KANSL1L: variants seen among roughly 807,000 people sequenced by gnomAD.
KANSL1L encodes the protein KAT8 regulatory NSL complex subunit 1 like, also known as KAT8 regulatory NSL complex subunit 1-like protein.
A neutral mutation model predicts 108.6 loss-of-function variants in KANSL1L; 25 were observed. That is an observed-to-expected ratio of 0.23 (90% CI 0.17 to 0.32). The LOEUF is 0.32. Among genes scored for constraint, KANSL1L ranks in the 10% least tolerant of loss-of-function variants. KANSL1L has a pLI of 1.00. For synonymous variants in KANSL1L, 405 were observed against 395.1 expected, an observed-to-expected ratio of 1.03 and a Z score of -0.30; for missense variants, 1,137 against 1,125.7, an observed-to-expected ratio of 1.01 and a Z score of -0.14.
At chr2:210,072,678 C>T (rs898526957) in intron 6 of KANSL1L, among the ~76,000 whole-genome samples, 1 of 133,170 alleles carries the variant, frequency 7.5e-6, no homozygotes, top group Non-Finnish European at 1.6e-5. Context: ...CGCCACTGAT[C>T]TGACAGGAGG....
intron 8 of KANSL1L, among the ~76,000 whole-genome samples, chr2:210,036,994 G>A (rs548541143): frequency 6.6e-6 from 1 of 151,988 alleles, no homozygotes; most frequent in African/African-American, 2.4e-5. Context: ...GGGCTCAAGC[G>A]ATCCTCCTGC....
chr2:210,123,923 C>CA (rs1483928642), intron 3 of KANSL1L, among the ~76,000 whole-genome samples: 2 of 151,830 alleles, frequency 1.3e-5, no homozygotes, highest in African/African-American at 2.4e-5. Context: ...TTTCTTCTTT[C>CA]AAAAAACTCA....
At chr2:210,079,056 T>C (rs1237856399) in intron 5 of KANSL1L, among the ~76,000 whole-genome samples, 2 of 152,148 alleles carry the variant, frequency 1.3e-5, no homozygotes, top group African/African-American at 4.8e-5. Flanking sequence ...GCTCAAGGGA[T>C]CCTCCTGCCT....
chr2:210,139,358 A>G (rs548129732), intron 2 of KANSL1L, among the ~76,000 whole-genome samples: 1 of 152,326 alleles, frequency 6.6e-6, no homozygotes, highest in East Asian at 1.9e-4. Flanking sequence ...ACTGTAAATG[A>G]GTATCAACAT....
chr2:210,087,687 C>T (rs1366988029), intron 5 of KANSL1L, among the ~76,000 whole-genome samples: 1 of 152,132 alleles, frequency 6.6e-6, no homozygotes, highest in African/African-American at 2.4e-5. Flanking sequence ...TTCTTACTCT[C>T]CTGAAGCTTA....
At chr2:210,144,141 T>C (rs910991476) in intron 2 of KANSL1L, among the ~76,000 whole-genome samples, 5 of 152,182 alleles carry the variant, frequency 3.3e-5, no homozygotes, top group African/African-American at 1.2e-4. Flanking sequence ...ACTTTGAATA[T>C]ATCATCCCAC....
At chr2:210,150,950 T>G (rs1286708906) in intron 2 of KANSL1L, among the ~76,000 whole-genome samples, 1 of 152,016 alleles carries the variant, frequency 6.6e-6, no homozygotes, top group Admixed American at 6.6e-5. Flanking sequence ...AGACTAAGCA[T>G]TATAGGAAAT....
chr2:210,143,203 C>CT (rs1048688056), intron 2 of KANSL1L, among the ~76,000 whole-genome samples: 11 of 151,726 alleles, frequency 7.2e-5, no homozygotes, highest in Admixed American at 2.0e-4. Flanking sequence ...ACCTTTTTGT[C>CT]TTTTTTTACA....
At chr2:210,133,873 T>A (rs2095149747) in intron 2 of KANSL1L, among the ~76,000 whole-genome samples, 1 of 152,176 alleles carries the variant, frequency 6.6e-6, no homozygotes, top group Non-Finnish European at 1.5e-5. Context: ...TTTCTTAACA[T>A]TTCTTTTTTC....
chr2:210,096,546 G>C (rs2094737659), intron 5 of KANSL1L: 2 of 984,324 alleles, frequency 2.0e-6, no homozygotes, highest in South Asian at 9.4e-5. Context: ...GTGTGTAACT[G>C]TGTAGTACTT....
intron 6 of KANSL1L, among the ~76,000 whole-genome samples, chr2:210,065,888 A>G (rs750540247): frequency 6.6e-6 from 1 of 152,132 alleles, no homozygotes; most frequent in African/African-American, 2.4e-5. Context: ...GCACCCAGCC[A>G]TGGACATGAT....
intron 5 of KANSL1L, among the ~76,000 whole-genome samples, chr2:210,089,556 T>A (rs1366974490): frequency 6.6e-6 from 1 of 152,156 alleles, no homozygotes; most frequent in Non-Finnish European, 1.5e-5. Context: ...GTAAAGAGAT[T>A]AACACACCTG....
intron 2 of KANSL1L, among the ~76,000 whole-genome samples, chr2:210,144,664 T>A (rs1008937031): frequency 7.2e-5 from 11 of 152,226 alleles, no homozygotes; most frequent in Admixed American, 4.6e-4. Context: ...TACCTTTTTT[T>A]AAATAATTTC....
At chr2:210,120,849 C>T (rs1188313990) in intron 3 of KANSL1L, among the ~76,000 whole-genome samples, 3 of 152,142 alleles carry the variant, frequency 2.0e-5, no homozygotes, top group African/African-American at 7.2e-5. Context: ...CATGAAAAGA[C>T]ACTTTTCAAC....
chr2:210,100,298 T>C (rs912940883), intron 4 of KANSL1L, among the ~76,000 whole-genome samples: 7 of 151,902 alleles, frequency 4.6e-5, no homozygotes, highest in African/African-American at 1.5e-4. Context: ...TGCGGAAAAA[T>C]TGTCTTCTAC....
intron 1 of KANSL1L, among the ~76,000 whole-genome samples, chr2:210,155,531 A>G (rs1406986714): frequency 1.3e-5 from 2 of 152,216 alleles, no homozygotes; most frequent in Non-Finnish European, 2.9e-5. Context: ...CGTATCTGCA[A>G]TTTTACCCTT....
rs570752973 is a variant in KANSL1L at position 210,109,415 on chromosome 2, C to A, written c.1231-5114G>T. ...CCTTTTCAGACCTATCCCTATCAAC[C>A]TTCAATATTAGATTATCTCCAGGAT... On this transcript the variant is annotated intron_variant, in intron 3 of 14. Transcript: ENST00000281772. 1.9e-3 allele frequency among the ~76,000 whole-genome samples: 296 copies of A among 152,146 alleles called. 1 individual carries two copies. Among genetic ancestry groups the A allele is most frequent in the African/African-American group, 6.8e-3 (282 of 41,506 alleles).
At chr2:210,097,352 C>A (rs1344066588) in intron 5 of KANSL1L, 2 of 793,948 alleles carry the variant, frequency 2.5e-6, no homozygotes, top group Non-Finnish European at 3.0e-6. Context: ...ACAAATATTT[C>A]CCAAAATTAC....
intron 2 of KANSL1L, among the ~76,000 whole-genome samples, chr2:210,131,259 C>G (rs1173134067): frequency 1.3e-5 from 2 of 152,008 alleles, no homozygotes; most frequent in Non-Finnish European, 2.9e-5. Flanking sequence ...CCTATTCTGA[C>G]TAAAACACTG....
Sources: gnomAD v4.1 joint callset for allele counts (sites outside exome capture counted in the v4.1 genomes callset) on GRCh38, gnomAD v4.1.1 for gene constraint, MANE v1.5 for transcripts, NCBI Gene and HGNC (gene_info 2026-07-23, HGNC 2026-07-21) for gene names.